The following CFAP77 variants were observed in gnomAD, a reference collection of about 807,000 sequenced individuals.
The protein encoded by CFAP77 is cilia- and flagella-associated protein 77.
A neutral mutation model predicts 31.1 loss-of-function variants in CFAP77; 25 were observed. That is an observed-to-expected ratio of 0.80 (90% CI 0.59 to 1.12). The LOEUF is 1.12. Among genes scored for constraint, CFAP77 ranks in the 50% most tolerant of loss-of-function variants. CFAP77 has a pLI of 0.00. For missense variants in CFAP77, 377 were observed against 397.3 expected, an observed-to-expected ratio of 0.95 and a Z score of 0.44; for synonymous variants, 151 against 159.9, an observed-to-expected ratio of 0.94 and a Z score of 0.42.
chr9:132,566,790 G>A lies in CFAP77; in HGVS notation c.733-5598G>A, dbSNP rs371059151. 1.7e-4 allele frequency among the ~76,000 whole-genome samples: 26 copies of A among 152,300 alleles called. 1 individual carries two copies. The East Asian group carries it at 4.1e-3, about 24-fold the overall frequency. On this transcript the variant is annotated intron_variant, in intron 5 of 5. Coordinates refer to ENST00000393216, the MANE Select transcript of CFAP77 (RefSeq NM_001282957.2). ...CCTCGCTGGGGCCCCTCTGGCCTCT[G>A]CGGATCTGTTTCCCTCCTGTTCTCT...
At chr9:132,518,943 G>A (rs1852197275) in intron 3 of CFAP77, among the ~76,000 whole-genome samples, 1 of 152,216 alleles carries the variant, frequency 6.6e-6, no homozygotes. Context: ...TCTTGAGCAA[G>A]ACAGTGGCGT....
intron 5 of CFAP77, among the ~76,000 whole-genome samples, chr9:132,550,974 C>G (rs1852812159): frequency 6.6e-6 from 1 of 152,114 alleles, no homozygotes; most frequent in Non-Finnish European, 1.5e-5. Context: ...ACTGGCTACC[C>G]TCAGAAAGGG....
intron 5 of CFAP77, among the ~76,000 whole-genome samples, chr9:132,551,859 C>T (rs145762585): frequency 0.011 from 1,642 of 152,190 alleles, 39 homozygotes; most frequent in African/African-American, 0.037. Context: ...GGGCTAAATG[C>T]GGGCCCGGGA....
chr9:132,414,898 C>T (rs932007445), intron 1 of CFAP77, among the ~76,000 whole-genome samples: 14 of 152,168 alleles, frequency 9.2e-5, no homozygotes, highest in African/African-American at 2.9e-4. Flanking sequence ...ACCATGCCCA[C>T]TAATAGCTTA....
intron 1 of CFAP77, among the ~76,000 whole-genome samples, chr9:132,468,218 C>A (rs1307174453): frequency 6.6e-6 from 1 of 152,082 alleles, no homozygotes; most frequent in African/African-American, 2.4e-5. Context: ...TGGTGGTGCG[C>A]ACCAGTAGTC....
chr9:132,496,239 C>T (rs564949780), intron 1 of CFAP77, among the ~76,000 whole-genome samples: 6 of 152,238 alleles, frequency 3.9e-5, no homozygotes, highest in Non-Finnish European at 8.8e-5. Context: ...GATTAGATCC[C>T]TTTCCTTGTG....
intron 1 of CFAP77, among the ~76,000 whole-genome samples, chr9:132,441,261 C>G (rs2131702577): frequency 6.6e-6 from 1 of 152,278 alleles, no homozygotes; most frequent in African/African-American, 2.4e-5. Flanking sequence ...ATTATTTACG[C>G]AGACAAGGAG....
At chr9:132,560,126 C>G (rs1322241315) in intron 5 of CFAP77, among the ~76,000 whole-genome samples, 4 of 152,144 alleles carry the variant, frequency 2.6e-5, no homozygotes, top group Non-Finnish European at 5.9e-5. Flanking sequence ...ATCCTAAGAA[C>G]AGGCTAAAAT....
At chr9:132,485,724 C>G (rs1421788307) in intron 1 of CFAP77, among the ~76,000 whole-genome samples, 1 of 151,950 alleles carries the variant, frequency 6.6e-6, no homozygotes, top group African/African-American at 2.4e-5. Context: ...TGCACTCCAT[C>G]GCGGCGGTGA....
chr9:132,528,701 T>C (rs1421045085), intron 3 of CFAP77, among the ~76,000 whole-genome samples: 1 of 74,616 alleles, frequency 1.3e-5, no homozygotes, highest in Non-Finnish European at 2.7e-5. Flanking sequence ...GCGAAGGACA[T>C]GAACAGACAC....
At chr9:132,454,260 A>G (rs1850876922) in intron 1 of CFAP77, among the ~76,000 whole-genome samples, 1 of 152,008 alleles carries the variant, frequency 6.6e-6, no homozygotes, top group African/African-American at 2.4e-5. Context: ...ATAAACCCCA[A>G]TTTTCAGGAG....
chr9:132,484,254 A>G (rs192902181), intron 1 of CFAP77, among the ~76,000 whole-genome samples: 2 of 152,096 alleles, frequency 1.3e-5, no homozygotes, highest in Admixed American at 6.5e-5. Context: ...TTCTTTTTAT[A>G]TGAGATTCAC....
rs961042204 is a variant in CFAP77, at chr9:132,513,302, A to C, written c.524+13702A>C. 7.1e-6 allele frequency: 11 copies of C among 1,549,334 alleles called. No individual in the cohort carries two copies. In the East Asian group the frequency reaches 2.7e-4, roughly 38 times the overall value. Reference sequence around the variant, plus strand: ...AGAAAAGTTCAGAAGCAACATAACTAACTCCCGTGAACCCACTACCTGGAT... The same window carrying C: ...AGAAAAGTTCAGAAGCAACATAACTCACTCCCGTGAACCCACTACCTGGAT... On this transcript the variant is annotated intron_variant, in intron 3 of 5. Transcript: ENST00000393216.
Position 132,545,855 on chromosome 9 carries a change from A to T in CFAP77, c.732+2808A>T, listed in dbSNP as rs571320601. 6.6e-6 allele frequency among the ~76,000 whole-genome samples: 1 copy of T among 152,290 alleles called. No homozygotes were observed. The highest frequency in any genetic ancestry group is 2.4e-5 in the African/African-American group (1 of 41,554). ...GTCCAATCTGGGGTTTCCTAGCCCC[A>T]GGGCCTCCCGAGGACCCCTTCCCTC... On this transcript the variant is annotated intron_variant, in intron 5 of 5. Coordinates refer to ENST00000393216, the MANE Select transcript of CFAP77 (RefSeq NM_001282957.2). This position sits in a 1 kb window ranked among gnomAD's most constrained non-coding sequence, Gnocchi z 4.6.
intron 1 of CFAP77, among the ~76,000 whole-genome samples, chr9:132,439,571 G>T (rs961049680): frequency 3.3e-5 from 5 of 152,120 alleles, no homozygotes; most frequent in African/African-American, 9.7e-5. Context: ...ATCTGGCCGG[G>T]AGTGGTGGCT....
intron 5 of CFAP77, among the ~76,000 whole-genome samples, chr9:132,556,728 G>A (rs1852911722): frequency 6.6e-6 from 1 of 152,160 alleles, no homozygotes; most frequent in African/African-American, 2.4e-5. Flanking sequence ...TGACAAGTGG[G>A]CGATCATTTT....
intron 1 of CFAP77, among the ~76,000 whole-genome samples, chr9:132,487,922 T>A (rs1157448854): frequency 6.6e-6 from 1 of 152,196 alleles, no homozygotes; most frequent in Admixed American, 6.5e-5. Context: ...ATATTGTGCT[T>A]TTCATTCGAG....
At chr9:132,458,854 T>C (rs1182103014) in intron 1 of CFAP77, among the ~76,000 whole-genome samples, 1 of 152,064 alleles carries the variant, frequency 6.6e-6, no homozygotes, top group Non-Finnish European at 1.5e-5. Flanking sequence ...CACTGAGGCA[T>C]GTGCAAGGAA....
chr9:132,537,532 G>A (rs1188815571), intron 3 of CFAP77, 69 bp from the exon 4 acceptor site: 9 of 1,148,638 alleles, frequency 7.8e-6, no homozygotes, highest in East Asian at 2.4e-5. Context: ...TCCCGGGGGC[G>A]GGCGGTGGGG....
Sources: gnomAD v4.1 joint callset for allele counts (sites outside exome capture counted in the v4.1 genomes callset) on GRCh38, gnomAD v4.1.1 for gene constraint, Gnocchi (gnomAD v3.1) non-coding constraint, MANE v1.5 for transcripts, NCBI Gene and HGNC (gene_info 2026-07-23, HGNC 2026-07-21) for gene names.